Variants in PRP4K observed in about 807,000 individuals in gnomAD.
PRP4K encodes pre-mRNA processing factor kinase PRP4K.
the PRP4K span, among the ~76,000 whole-genome samples, chr6:4,025,315 T>C: frequency 6.6e-6 from 1 of 152,192 alleles, no homozygotes. Context: ...TAGAAGAAAG[T>C]CGTTGATGAT....
chr6:4,048,318 G>A, the PRP4K span, among the ~76,000 whole-genome samples: 2 of 149,460 alleles, frequency 1.3e-5, no homozygotes, highest in African/African-American at 4.9e-5. Context: ...GGCGGAGCTT[G>A]CAGTGAGCGG....
At chr6:4,043,810 C>T in the PRP4K span, 6 of 1,613,246 alleles carry the variant, frequency 3.7e-6, no homozygotes, top group Non-Finnish European at 5.1e-6. Flanking sequence ...ATTGTTATTA[C>T]AGAAATATAA....
the PRP4K span, among the ~76,000 whole-genome samples, chr6:4,024,155 G>A: frequency 3.3e-5 from 5 of 152,000 alleles, no homozygotes; most frequent in African/African-American, 9.7e-5. Context: ...GTGAGCTACC[G>A]TGCCGAGCCA....
the PRP4K span, among the ~76,000 whole-genome samples, chr6:4,036,304 C>T: frequency 6.6e-6 from 1 of 152,120 alleles, no homozygotes; most frequent in African/African-American, 2.4e-5. Flanking sequence ...TCACTGCAAC[C>T]TCTGCCTCCC....
chr6:4,021,494 A>G, the PRP4K span: 1 of 1,570,876 alleles, frequency 6.4e-7, no homozygotes, highest in Non-Finnish European at 8.6e-7. Flanking sequence ...GTGGGCCAGA[A>G]GCTGGAGCCC....
the PRP4K span, among the ~76,000 whole-genome samples, chr6:4,054,176 A>G: frequency 6.6e-6 from 1 of 152,212 alleles, no homozygotes; most frequent in Non-Finnish European, 1.5e-5. Context: ...TGCTGGGATT[A>G]TAGGTGTGAG....
the PRP4K span, chr6:4,031,531 T>C: frequency 7.1e-7 from 1 of 1,408,038 alleles, no homozygotes; most frequent in East Asian, 2.3e-5. Flanking sequence ...AATGATATGA[T>C]TTTAAAATGT....
chr6:4,039,865 C>G, the PRP4K span, among the ~76,000 whole-genome samples: 1 of 106,074 alleles, frequency 9.4e-6, no homozygotes, highest in Non-Finnish European at 1.7e-5. Context: ...TCCGATCTTT[C>G]TCTTTTCTCT....
chr6:4,051,904 C>T, the PRP4K span: 1 of 1,176,816 alleles, frequency 8.5e-7, no homozygotes, highest in East Asian at 2.5e-5. Flanking sequence ...TTATTTAGTG[C>T]TCCTAAATTC....
At chr6:4,054,784 G>A in the PRP4K span, among the ~76,000 whole-genome samples, 184 of 152,290 alleles carry the variant, frequency 1.2e-3, no homozygotes, top group Middle Eastern at 3.4e-3. Context: ...GATTATAAGC[G>A]TGAGCCAATT....
chr6:4,057,713 G>A, the PRP4K span, among the ~76,000 whole-genome samples: 1 of 146,250 alleles, frequency 6.8e-6, no homozygotes, highest in South Asian at 2.2e-4. Flanking sequence ...AAGCAAGAAT[G>A]TAAGCATTTA....
At chr6:4,059,583 A>C in the PRP4K span, among the ~76,000 whole-genome samples, 3 of 152,224 alleles carry the variant, frequency 2.0e-5, no homozygotes, top group African/African-American at 7.2e-5. Context: ...GGGAAAGTAC[A>C]GTGCAAACAG....
At chr6:4,023,279 A>G in the PRP4K span, among the ~76,000 whole-genome samples, 1 of 152,254 alleles carries the variant, frequency 6.6e-6, no homozygotes, top group East Asian at 1.9e-4. Context: ...AAGAATAAAT[A>G]TAAGAAGCAG....
chr6:4,054,090 A>T, the PRP4K span, among the ~76,000 whole-genome samples: 6 of 151,780 alleles, frequency 4.0e-5, no homozygotes, highest in Non-Finnish European at 7.4e-5. Flanking sequence ...ATTAAAAAAA[A>T]TTTTTTTTAG....
At chr6:4,048,426 T>G in the PRP4K span, among the ~76,000 whole-genome samples, 1 of 152,052 alleles carries the variant, frequency 6.6e-6, no homozygotes, top group South Asian at 2.1e-4. Flanking sequence ...TATATTCTTA[T>G]TTTTCAATTT....
At chr6:4,028,666 T>G in the PRP4K span, among the ~76,000 whole-genome samples, 1 of 152,230 alleles carries the variant, frequency 6.6e-6, no homozygotes, top group Non-Finnish European at 1.5e-5. Context: ...AGGACGTAGC[T>G]TCTTCTGCAC....
the PRP4K span, among the ~76,000 whole-genome samples, chr6:4,028,155 T>C: frequency 6.6e-6 from 1 of 152,206 alleles, no homozygotes; most frequent in Non-Finnish European, 1.5e-5. Flanking sequence ...TCTATGTGAC[T>C]TCTTTCCCTT....
chr6:4,052,780 T>C, the PRP4K span: 1 of 1,605,254 alleles, frequency 6.2e-7, no homozygotes, highest in Non-Finnish European at 8.5e-7. Context: ...ATATTAAAGC[T>C]GTAAGATCCT....
the PRP4K span, chr6:4,049,452 G>T: frequency 2.1e-6 from 1 of 474,312 alleles, no homozygotes; most frequent in Non-Finnish European, 3.7e-6. Flanking sequence ...CCAGTCATGC[G>T]GTATTTGTCA....
Sources: gnomAD v4.1 joint callset for allele counts (sites outside exome capture counted in the v4.1 genomes callset) on GRCh38, gnomAD v4.1.1 for gene constraint, MANE v1.5 for transcripts, NCBI Gene and HGNC (gene_info 2026-07-23, HGNC 2026-07-21) for gene names.